ITCH: variants seen among roughly 807,000 people sequenced by gnomAD.
ITCH encodes the protein itchy E3 ubiquitin protein ligase.
In ITCH, 28 loss-of-function variants were observed where a neutral mutation model predicts 126.8. The ratio of observed to expected loss-of-function variants is 0.22; its 90% CI spans 0.16 to 0.30. ITCH has a LOEUF of 0.30. Ranked by LOEUF, ITCH falls within the 10% of genes least tolerant of loss-of-function variation. ITCH has a pLI of 1.00. For missense variants in ITCH, 631 were observed against 1,032.4 expected, an observed-to-expected ratio of 0.61 and a Z score of 5.33; for synonymous variants, 342 against 340.0, an observed-to-expected ratio of 1.01 and a Z score of -0.06.
chr20:34,375,128 G>A (rs912433754), intron 2 of ITCH, among the ~76,000 whole-genome samples: 6 of 147,808 alleles, frequency 4.1e-5, no homozygotes, highest in African/African-American at 7.5e-5. Context: ...CATAACCTCC[G>A]CTTTCCGGGT....
At chr20:34,384,081 T>C (rs1218245057) in intron 2 of ITCH, 1 of 151,434 alleles carries the variant, frequency 6.6e-6, no homozygotes, top group East Asian at 2.0e-4. Flanking sequence ...TGACCTCAGG[T>C]GATCCACCTG....
At chr20:34,421,940 T>G (rs551504949) in intron 6 of ITCH, among the ~76,000 whole-genome samples, 32 of 152,266 alleles carry the variant, frequency 2.1e-4, no homozygotes, top group African/African-American at 7.7e-4. Flanking sequence ...TGCTTGAGCC[T>G]GAGAAGTTGA....
chr20:34,436,521 TC>T (rs1015875283), intron 7 of ITCH, among the ~76,000 whole-genome samples: 9 of 152,246 alleles, frequency 5.9e-5, no homozygotes, highest in South Asian at 2.1e-4. Flanking sequence ...AGCTGACTCT[TC>T]CTGCATTCAG....
chr20:34,390,494 A>G (rs919146696), intron 2 of ITCH, among the ~76,000 whole-genome samples: 1 of 124,698 alleles, frequency 8.0e-6, no homozygotes, highest in Non-Finnish European at 1.6e-5. Context: ...TCTATTGCCC[A>G]GGCTGGAGTG....
chr20:34,511,302 A>G lies in ITCH; in HGVS notation c.*3508A>G, dbSNP rs1283808108. The G allele has an allele frequency of 6.6e-6, 1 of 152,184 alleles. No homozygotes were observed. The highest frequency in any genetic ancestry group is 1.5e-5 in the Non-Finnish European group (1 of 68,036). The allele number at this position is 152,184 out of a possible 1,614,324, so 9.4% of individuals were successfully genotyped here. A position where few individuals can be genotyped will look rare whatever the true frequency, so the allele number is the denominator to read the frequency against. On this transcript the variant is annotated 3_prime_UTR_variant, in exon 25 of 25. Coordinates refer to ENST00000374864, the MANE Select transcript of ITCH (RefSeq NM_031483.7). ...ATGCTACAAATATTACAGGGAGTCA[A>G]ATGCTTTTATAAAGTTCCTTCAGTG...
intron 8 of ITCH, 32 bp downstream of exon 8, chr20:34,438,663 A>G: frequency 6.2e-7 from 1 of 1,611,800 alleles, no homozygotes; most frequent in Non-Finnish European, 8.5e-7. Flanking sequence ...ACTCTTGGAA[A>G]TAATGTCCTG....
chr20:34,471,862 G>A (rs946336254), intron 16 of ITCH, among the ~76,000 whole-genome samples: 1 of 151,812 alleles, frequency 6.6e-6, no homozygotes, highest in African/African-American at 2.4e-5. Flanking sequence ...ATAGGTTTTT[G>A]GTAGCCAAAG....
intron 14 of ITCH, among the ~76,000 whole-genome samples, chr20:34,462,623 A>G (rs548941028): frequency 2.0e-5 from 3 of 152,310 alleles, no homozygotes; most frequent in African/African-American, 7.2e-5. Flanking sequence ...CTTTTGTGGG[A>G]AAATATATAA....
At chr20:34,385,413 A>G (rs2038246852) in intron 2 of ITCH, among the ~76,000 whole-genome samples, 1 of 151,776 alleles carries the variant, frequency 6.6e-6, no homozygotes, top group Non-Finnish European at 1.5e-5. Context: ...ATATAATTAG[A>G]TGTATAATTT....
In ITCH at chr20:34,424,539, G is replaced by C. The variant is rs764424528; in HGVS notation, c.521+14G>C. 1 of 1,604,598 alleles carries C rather than the reference G, an allele frequency of 6.2e-7. No homozygotes were observed. Among genetic ancestry groups the C allele is most frequent in the Non-Finnish European group, 8.5e-7 (1 of 1,171,372 alleles). ...GGATGAAACAAGGTAAGCATTCACT[G>C]ATTGCTTACCACAGAATGCGGAGAG... is the stretch of plus-strand genomic sequence containing the variant. On this transcript the variant is annotated intron_variant, in intron 7 of 24. Transcript: ENST00000374864.
intron 14 of ITCH, chr20:34,466,530 G>A: frequency 2.2e-6 from 1 of 447,164 alleles, no homozygotes; most frequent in Non-Finnish European, 4.3e-6. Flanking sequence ...TTTAGATATG[G>A]GAATAAATTA....
rs9974030 is a variant in ITCH at position 34,404,740 on chromosome 20, G to T, written c.71-3911G>T. Among the ~76,000 whole-genome samples, 694 of 152,162 alleles carry T rather than the reference G, an allele frequency of 4.6e-3. 5 individuals are homozygous for T. The highest frequency in any genetic ancestry group is 0.027 in the Middle Eastern group (8 of 292). The stretch of plus-strand genomic sequence containing the variant: ...TTCTCTTTTTATGTGTAAAAATTAG[G>T]ACAGTAATACCTGTTTCGCAGAATA... On this transcript the variant is annotated intron_variant, in intron 3 of 24. Coordinates refer to ENST00000374864, the MANE Select transcript of ITCH (RefSeq NM_031483.7).
At chr20:34,375,815 C>T (rs2123019103) in intron 2 of ITCH, among the ~76,000 whole-genome samples, 1 of 143,054 alleles carries the variant, frequency 7.0e-6, no homozygotes, top group African/African-American at 2.6e-5. Flanking sequence ...GAGTTTGAGA[C>T]CAGCTTGAGC....
chr20:34,471,350 G>A lies in ITCH; in HGVS notation c.1498-94G>A, dbSNP rs536438813. 3 of 754,888 alleles carry A rather than the reference G, an allele frequency of 4.0e-6. No homozygotes were observed. In the East Asian group the frequency reaches 7.7e-5, roughly 19 times the overall value. 46.8% of individuals were successfully genotyped at this position (754,888 alleles called of 1,614,324 possible). ...ATTCATAGTCTACTTGTTTCTGTAAGGAAAGATAAAAGTAAATAAAACTTT... is the reference window on the plus strand; with the variant it reads ...ATTCATAGTCTACTTGTTTCTGTAAAGAAAGATAAAAGTAAATAAAACTTT... On this transcript the variant is annotated intron_variant, in intron 15 of 24. Coordinates refer to ENST00000374864, the MANE Select transcript of ITCH (RefSeq NM_031483.7).
At chr20:34,474,682 A>G (rs1987971848) in intron 16 of ITCH, among the ~76,000 whole-genome samples, 2 of 151,940 alleles carry the variant, frequency 1.3e-5, no homozygotes, top group South Asian at 4.2e-4. Flanking sequence ...TGTTGGGTAC[A>G]CCTCCCAGAC....
chr20:34,398,496 TCAAG>T (rs980615393), intron 3 of ITCH, among the ~76,000 whole-genome samples: 7 of 151,700 alleles, frequency 4.6e-5, no homozygotes, highest in African/African-American at 1.7e-4. Flanking sequence ...CTTCCCAGAT[TCAAG>T]CAATTCTCCT....
At chr20:34,470,147 C>T (rs762178879) in intron 15 of ITCH, 27 bp downstream of exon 15, 3 of 1,523,792 alleles carry the variant, frequency 2.0e-6, no homozygotes, top group East Asian at 4.6e-5. Context: ...TATCTCTGTA[C>T]TGCCTTAACT....
intron 2 of ITCH, among the ~76,000 whole-genome samples, chr20:34,387,148 CA>C (rs202013430): frequency 2.0e-5 from 3 of 151,054 alleles, no homozygotes; most frequent in Non-Finnish European, 4.4e-5. Flanking sequence ...ACTAAAGATA[CA>C]AAAAAAATTA....
At chr20:34,471,564 A>T in intron 16 of ITCH, 49 bp downstream of exon 16, 1 of 1,170,652 alleles carries the variant, frequency 8.5e-7, no homozygotes, top group South Asian at 1.2e-5. Context: ...CTAGCTTAGG[A>T]CCCGCTTTTG....
Sources: allele counts gnomAD v4.1 joint callset (sites outside exome capture counted in the v4.1 genomes callset), GRCh38; gene constraint gnomAD v4.1.1; transcripts MANE v1.5; gene names NCBI Gene and HGNC (gene_info 2026-07-23, HGNC 2026-07-21).